Variants in LRRC4C observed in about 807,000 individuals in gnomAD.
LRRC4C encodes leucine-rich repeat-containing protein 4C.
In LRRC4C, 5 loss-of-function variants were observed where a neutral mutation model predicts 33.6. That is an observed-to-expected ratio of 0.15 (90% confidence interval 0.08 to 0.31). The LOEUF (loss-of-function observed/expected upper bound fraction) is 0.31, where lower values mean the gene tolerates loss of function less well. Ranked by LOEUF, LRRC4C falls within the 10% of genes least tolerant of loss-of-function variation. The pLI is 1.00. For synonymous variants in LRRC4C, 329 were observed against 302.0 expected (o/e 1.09, Z -0.93); for missense variants, 560 against 796.7 (o/e 0.70, Z 3.58).
At chr11:40,411,796 T>C (rs951873668) in intron 3 of LRRC4C, among the ~76,000 whole-genome samples, 1 of 152,006 alleles carries the variant, frequency 6.6e-6, no homozygotes, top group Non-Finnish European at 1.5e-5. Flanking sequence ...TATCAGGAAA[T>C]TCAGTAAAAA....
rs1555134169 is a variant in LRRC4C at position 41,278,824 on chromosome 11, G to GGT, written c.-496+180606_-496+180607insAC. The stretch of plus-strand genomic sequence containing the variant: ...GTTTTTCTGTTTTATTTTGTTTTGT[G>GGT]TTTTTTTCCCCCAACTTTTAAGTTG... On this transcript the variant is annotated intron_variant, in intron 1 of 6. Coordinates refer to ENST00000528697, the MANE Select transcript of LRRC4C (RefSeq NM_001258419.2). 2.2e-4 allele frequency among the ~76,000 whole-genome samples: 31 copies of GGT among 140,598 alleles called. No homozygotes were observed. In the East Asian group the frequency reaches 6.0e-3, roughly 27 times the overall value. 92.2% of individuals were successfully genotyped at this position (140,598 alleles called of 152,430 possible). A position where few individuals can be genotyped will look rare whatever the true frequency, so the allele number is the denominator to read the frequency against.
intron 1 of LRRC4C, among the ~76,000 whole-genome samples, chr11:41,118,041 C>A (rs1942229592): frequency 6.6e-6 from 1 of 152,118 alleles, no homozygotes; most frequent in Non-Finnish European, 1.5e-5. Context: ...ATTACTACCC[C>A]TTCAATGGTC....
At chr11:40,221,289 G>T (rs1261513221) in intron 5 of LRRC4C, among the ~76,000 whole-genome samples, 1 of 152,128 alleles carries the variant, frequency 6.6e-6, no homozygotes. Context: ...GACTTGTAAT[G>T]ATTTGTATTT....
intron 1 of LRRC4C, among the ~76,000 whole-genome samples, chr11:41,272,757 C>T (rs1010586685): frequency 3.3e-5 from 5 of 152,124 alleles, no homozygotes; most frequent in Non-Finnish European, 7.4e-5. Context: ...CCCCTTCTTA[C>T]TTAGCTGACT....
In LRRC4C at chr11:41,366,519, T is replaced by A. The variant is rs573339320; in HGVS notation, c.-496+92912A>T. 5.9e-5 allele frequency among the ~76,000 whole-genome samples: 9 copies of A among 152,278 alleles called. No individual in the cohort carries two copies. The East Asian group carries it at 1.7e-3, about 29-fold the overall frequency. ...TTTAAAATATAATTTAATTTCTGCATAATGCATTTTAGTTTTTAAAATAAC... is the reference window on the plus strand; with the variant it reads ...TTTAAAATATAATTTAATTTCTGCAAAATGCATTTTAGTTTTTAAAATAAC... On this transcript the variant is annotated intron_variant, in intron 1 of 6. Transcript: ENST00000528697.
chr11:41,205,504 TAAC>T (rs1417790062), intron 1 of LRRC4C, among the ~76,000 whole-genome samples: 1 of 152,118 alleles, frequency 6.6e-6, no homozygotes. Context: ...AGAAATGAGT[TAAC>T]AAAGGCTACC....
At chr11:40,469,224 C>T (rs1354550020) in intron 3 of LRRC4C, among the ~76,000 whole-genome samples, 2 of 152,100 alleles carry the variant, frequency 1.3e-5, no homozygotes, top group Non-Finnish European at 2.9e-5. Context: ...GTGCAGCCCA[C>T]GGAGGGCGAG....
chr11:40,240,245 A>G (rs1422826334), intron 5 of LRRC4C, among the ~76,000 whole-genome samples: 1 of 152,210 alleles, frequency 6.6e-6, no homozygotes, highest in African/African-American at 2.4e-5. Flanking sequence ...TCTCCAGTGT[A>G]TAGAATGTAT....
chr11:40,645,281 C>G (rs77633606), intron 3 of LRRC4C, among the ~76,000 whole-genome samples: 1 of 152,264 alleles, frequency 6.6e-6, no homozygotes, highest in African/African-American at 2.4e-5. Flanking sequence ...CATATTCTCT[C>G]TTTTGAAAAT....
At chr11:41,431,153 C>T (rs940988780) in intron 1 of LRRC4C, among the ~76,000 whole-genome samples, 3 of 151,984 alleles carry the variant, frequency 2.0e-5, no homozygotes, top group Non-Finnish European at 4.4e-5. Context: ...ACTGTATAAA[C>T]ACCATTTGCT....
chr11:41,300,363 C>T (rs1040513696), intron 1 of LRRC4C, among the ~76,000 whole-genome samples: 5 of 152,118 alleles, frequency 3.3e-5, no homozygotes, highest in Non-Finnish European at 7.4e-5. Context: ...GTTTATTTGA[C>T]TTCCTTTCCT....
chr11:41,104,583 A>G (rs542990255), intron 1 of LRRC4C, among the ~76,000 whole-genome samples: 5 of 151,948 alleles, frequency 3.3e-5, no homozygotes, highest in Non-Finnish European at 7.4e-5. Flanking sequence ...ATGTGGAGTG[A>G]ACATATGACC....
chr11:40,901,014 T>C (rs1592036457), intron 2 of LRRC4C, among the ~76,000 whole-genome samples: 1 of 152,254 alleles, frequency 6.6e-6, no homozygotes. Context: ...TGAAACCATC[T>C]GGGCCTGTTG....
At position 40,511,647 on chromosome 11, in the gene LRRC4C, A is replaced by G. The variant is rs1590960655; in HGVS notation, c.-270+136495T>C. On this transcript the variant is annotated intron_variant, in intron 3 of 6. Coordinates refer to ENST00000528697, the MANE Select transcript of LRRC4C (RefSeq NM_001258419.2). ...AAGAAGGAAACTTGAATAAGGCAGC[A>G]TTCTCTCCAGACTCGAAACTGAAGC... Among the ~76,000 whole-genome samples the G allele has an allele frequency of 1.3e-5, 2 of 152,326 alleles. 1 individual carries two copies. Among genetic ancestry groups the G allele is most frequent in the Middle Eastern group, 6.8e-3 (2 of 294 alleles).
At chr11:41,075,910 T>A (rs1011310723) in intron 1 of LRRC4C, among the ~76,000 whole-genome samples, 3 of 152,198 alleles carry the variant, frequency 2.0e-5, no homozygotes, top group African/African-American at 7.2e-5. Flanking sequence ...ATCCTTCTAA[T>A]CTTCTTGAAC....
chr11:41,278,733 A>G (rs12285958), intron 1 of LRRC4C, among the ~76,000 whole-genome samples: 20,295 of 152,264 alleles, frequency 0.13, 1,489 homozygotes, highest in Middle Eastern at 0.24. Context: ...CCCCACCCAG[A>G]TTCTCTTACC....
rs574027583 is a variant in LRRC4C, at chr11:40,440,938, A to AT, written c.-269-121218dup. ...TCTTATTTCCTGTTTGAACAAGGCTATTTTTTTGACTTCATACTCAAGTTA... is the reference window on the plus strand; with the variant it reads ...TCTTATTTCCTGTTTGAACAAGGCTATTTTTTTTGACTTCATACTCAAGTTA... On this transcript the variant is annotated intron_variant, in intron 3 of 6. Coordinates refer to ENST00000528697, the MANE Select transcript of LRRC4C (RefSeq NM_001258419.2). Among the ~76,000 whole-genome samples, 286 of 151,534 alleles carry AT rather than the reference A, an allele frequency of 1.9e-3. 3 individuals carry two copies. The highest frequency in any genetic ancestry group is 0.01 in the South Asian group (49 of 4,812).
intron 3 of LRRC4C, among the ~76,000 whole-genome samples, chr11:40,544,110 C>T (rs1365489533): frequency 2.0e-5 from 3 of 152,028 alleles, no homozygotes; most frequent in African/African-American, 7.2e-5. Flanking sequence ...ATTTTAAAAA[C>T]ATCTATAGTT....
intron 1 of LRRC4C, among the ~76,000 whole-genome samples, chr11:41,232,328 G>T (rs1158336820): frequency 3.3e-5 from 5 of 151,996 alleles, no homozygotes; most frequent in African/African-American, 1.2e-4. Flanking sequence ...ATAATTCTTT[G>T]TTGTCTGAGC....
Sources: gnomAD v4.1 joint callset for allele counts (sites outside exome capture counted in the v4.1 genomes callset) on GRCh38, gnomAD v4.1.1 for gene constraint, MANE v1.5 for transcripts, NCBI Gene and HGNC (gene_info 2026-07-23, HGNC 2026-07-21) for gene names.